The following SLC24A1 variants were observed in gnomAD, a reference collection of about 807,000 sequenced individuals.
SLC24A1 encodes solute carrier family 24 member 1, also known as sodium/potassium/calcium exchanger 1.
A neutral mutation model predicts 88.1 loss-of-function variants in SLC24A1; 52 were observed. The ratio of observed to expected loss-of-function variants is 0.59; its 90% CI spans 0.47 to 0.74. The LOEUF (loss-of-function observed/expected upper bound fraction) is 0.74, where lower values mean the gene tolerates loss of function less well. Among genes scored for constraint, SLC24A1 ranks in the 30% least tolerant of loss-of-function variants. The probability of loss-of-function intolerance (pLI) is 0.00; values close to 1 mark genes in which losing one functional copy is unlikely to be tolerated. For synonymous variants in SLC24A1, 455 were observed against 498.0 expected (o/e 0.91, Z 1.15); for missense variants, 1,173 against 1,363.3 (o/e 0.86, Z 2.20).
At chr15:65,626,611 C>T (rs907945122) in intron 2 of SLC24A1, among the ~76,000 whole-genome samples, 30 of 152,262 alleles carry the variant, frequency 2.0e-4, no homozygotes, top group African/African-American at 6.7e-4. Flanking sequence ...TCTCTGTGCC[C>T]GCTGGAGACC....
rs765444811 is a variant in SLC24A1 at position 65,625,730 on chromosome 15, C to A, written c.1650C>A (p.Ile550=). The change falls in exon 2 of 10, where the codon ATC becomes ATA. Residue 550 remains isoleucine, a synonymous_variant. Coordinates refer to ENST00000261892, the MANE Select transcript of SLC24A1 (RefSeq NM_004727.3). The part of the protein sequence containing the change: ...IGTCSLFSRE[I]LNLTWWPLFR... Reference sequence around the variant, plus strand: ...CTTGTTCCCTCTTCTCCCGAGAGATCCTCAACCTCACCTGGTGGCCCTTAT... The same window carrying A: ...CTTGTTCCCTCTTCTCCCGAGAGATACTCAACCTCACCTGGTGGCCCTTAT... 6.8e-6 allele frequency: 11 copies of A among 1,613,944 alleles called. No homozygotes were observed. In the Admixed American group the frequency reaches 1.8e-4, roughly 27 times the overall value.
At position 65,650,921 on chromosome 15, in the gene SLC24A1, A is replaced by T; in HGVS notation, c.2772A>T (p.Thr924=). The change falls in exon 7 of 10, where the codon ACA becomes ACT. Residue 924 remains threonine, a synonymous_variant. Transcript: ENST00000261892. This position sits in a 1 kb window ranked among gnomAD's most constrained non-coding sequence, Gnocchi z 4.1. The stretch of plus-strand genomic sequence containing the variant: ...CCATCGTGTTCCCACTGTGGCTGAC[A>T]GTCCCCGACGTCCGAAGGCAGGTGA... The part of the protein sequence containing the change: ...LLPIVFPLWL[T]VPDVRRQESR... 6.2e-7 allele frequency: 1 copy of T among 1,613,970 alleles called. No individual in the cohort carries two copies. The highest frequency in any genetic ancestry group is 8.5e-7 in the Non-Finnish European group (1 of 1,179,872).
Position 65,640,245 on chromosome 15 carries a change from A to G in SLC24A1, c.2053+542A>G, listed in dbSNP as rs1327618008. On this transcript the variant is annotated intron_variant, in intron 4 of 9. Coordinates refer to ENST00000261892, the MANE Select transcript of SLC24A1 (RefSeq NM_004727.3). ...TAGGAAACCTGCCAACTCCTCCCCA[A>G]GTCTGGAATCCCAAAGGACACCCTG... Among the ~76,000 whole-genome samples the G allele has an allele frequency of 4.6e-5, 7 of 152,276 alleles. No individual in the cohort carries two copies. In the East Asian group the frequency reaches 1.2e-3, roughly 25 times the overall value.
chr15:65,653,022 G>C, intron 9 of SLC24A1: 1 of 388,598 alleles, frequency 2.6e-6, no homozygotes, highest in Non-Finnish European at 4.6e-6. Flanking sequence ...TAACTGACTG[G>C]AATTTACAGA....
chr15:65,650,740 A>C lies in SLC24A1; in HGVS notation c.2591A>C (p.Glu864Ala). The C allele has an allele frequency of 2.5e-6, 4 of 1,592,632 alleles. No individual in the cohort carries two copies. Among genetic ancestry groups the C allele is most frequent in the Non-Finnish European group, 3.4e-6 (4 of 1,169,520 alleles). The change falls in exon 7 of 10, where the codon GAG becomes GCG. Residue 864 changes from glutamate (E) to alanine (A), a missense_variant. Physicochemically the swap from Glu to Ala is moderately radical, Grantham distance 107 (BLOSUM62 -1). Transcript: ENST00000261892. The surrounding 1 kb of genome is among the most constrained non-coding windows in gnomAD (Gnocchi z 4.1). ...GGAGGGGATAGCGAAGAGGAGGAAG[A>C]GGAGGAGGAAGAGCAGGAGGAAGAG... is the stretch of plus-strand genomic sequence containing the variant. ...SDGGDSEEEE[E>A]EEEEQEEEEE... is the part of the protein sequence containing the mutation.
intron 2 of SLC24A1, among the ~76,000 whole-genome samples, chr15:65,630,331 C>G (rs117620984): frequency 8.8e-4 from 134 of 152,318 alleles, no homozygotes; most frequent in African/African-American, 3.1e-3. Context: ...TCAACAAGAC[C>G]TCAAGCAGAC....
intron 2 of SLC24A1, among the ~76,000 whole-genome samples, chr15:65,627,310 T>C (rs1039012227): frequency 6.6e-6 from 1 of 152,206 alleles, no homozygotes; most frequent in Non-Finnish European, 1.5e-5. Context: ...AACTCTAACA[T>C]TCTATGATAA....
chr15:65,613,700 G>T (rs1442378814), intron 2 of SLC24A1, among the ~76,000 whole-genome samples: 1 of 152,006 alleles, frequency 6.6e-6, no homozygotes, highest in African/African-American at 2.4e-5. Flanking sequence ...TGCCCAGAGT[G>T]GTCTTGAACT....
downstream of SLC24A1, chr15:65,660,251 T>C: frequency 6.5e-7 from 1 of 1,528,252 alleles, no homozygotes; most frequent in Non-Finnish European, 8.8e-7. Flanking sequence ...AAGTTTTACA[T>C]TTTTAAACTC....
At chr15:65,630,002 T>G (rs2074658071) in intron 2 of SLC24A1, among the ~76,000 whole-genome samples, 1 of 152,208 alleles carries the variant, frequency 6.6e-6, no homozygotes, top group African/African-American at 2.4e-5. Context: ...TATTGCCCTG[T>G]CACCCAGGCT....
At chr15:65,638,999 T>C (rs1396184141) in intron 3 of SLC24A1, among the ~76,000 whole-genome samples, 2 of 152,306 alleles carry the variant, frequency 1.3e-5, no homozygotes, top group Non-Finnish European at 2.9e-5. Flanking sequence ...TCTGAGCACA[T>C]GGGCAGAAAA....
downstream of SLC24A1, chr15:65,660,897 T>G (rs958626923): frequency 2.1e-4 from 32 of 152,188 alleles, no homozygotes; most frequent in African/African-American, 7.5e-4. Context: ...ATACCCAATA[T>G]TTTAGATATT....
rs535421649 is a variant in SLC24A1 at position 65,656,071 on chromosome 15, C to A, written c.*1992C>A. ...GCTTGTGGGAGGGAGGTCCCAATAC[C>A]AAAATTCTGGGCACTAACCTGGTGT... is the stretch of plus-strand genomic sequence containing the variant. On this transcript the variant is annotated 3_prime_UTR_variant, in exon 10 of 10. Coordinates refer to ENST00000261892, the MANE Select transcript of SLC24A1 (RefSeq NM_004727.3). The A allele has an allele frequency of 5.1e-6, 5 of 985,350 alleles. No homozygotes were observed. In the Admixed American group the frequency reaches 3.1e-4, roughly 61 times the overall value. The allele number at this position is 985,350 out of a possible 1,614,324, so 61.0% of individuals were successfully genotyped here.
intron 2 of SLC24A1, among the ~76,000 whole-genome samples, chr15:65,626,898 C>T (rs981525590): frequency 4.6e-5 from 7 of 152,206 alleles, no homozygotes; most frequent in South Asian, 2.1e-4. Context: ...CCTTAGGGAA[C>T]ACGGACCCCA....
At chr15:65,620,397 AAATT>A (rs2074282265), upstream of SLC24A1, among the ~76,000 whole-genome samples, 1 of 152,218 alleles carries the variant, frequency 6.6e-6, no homozygotes, top group Admixed American at 6.5e-5. Flanking sequence ...TATGTTTTAC[AAATT>A]AATTAATCCC....
intron 2 of SLC24A1, among the ~76,000 whole-genome samples, chr15:65,635,740 C>T (rs1265378722): frequency 6.6e-6 from 1 of 152,220 alleles, no homozygotes; most frequent in African/African-American, 2.4e-5. Flanking sequence ...TCAAAGCTTA[C>T]TCAAATTCTA....
chr15:65,648,315 C>T (rs2075377477), intron 6 of SLC24A1, among the ~76,000 whole-genome samples: 1 of 152,116 alleles, frequency 6.6e-6, no homozygotes, highest in African/African-American at 2.4e-5. Flanking sequence ...TTGAGACTCA[C>T]TCAACATCCT....
At chr15:65,612,102 A>T (rs577366845) in intron 1 of SLC24A1, 1 of 152,172 alleles carries the variant, frequency 6.6e-6, no homozygotes, top group Non-Finnish European at 1.5e-5. Context: ...CTTGCCTGCC[A>T]CTCTGGCCAC....
intron 4 of SLC24A1, among the ~76,000 whole-genome samples, chr15:65,641,424 C>G (rs946676561): frequency 6.6e-6 from 1 of 151,682 alleles, no homozygotes; most frequent in Non-Finnish European, 1.5e-5. Flanking sequence ...GCATCAAAGA[C>G]AAGTGATGAA....
Sources: gnomAD v4.1 joint callset for allele counts (sites outside exome capture counted in the v4.1 genomes callset) on GRCh38, gnomAD v4.1.1 for gene constraint, Gnocchi (gnomAD v3.1) non-coding constraint, MANE v1.5 for transcripts, NCBI Gene and HGNC (gene_info 2026-07-23, HGNC 2026-07-21) for gene names.